The following C2CD3 variants were observed in gnomAD, a reference collection of about 807,000 sequenced individuals.
C2CD3 encodes the protein C2 domain containing 3 centriole elongation regulator.
Under a neutral mutation model 234.0 loss-of-function variants are expected in C2CD3, and 148 were observed. That is an observed-to-expected ratio of 0.63 (90% CI 0.55 to 0.72). C2CD3 has a LOEUF of 0.72. C2CD3 is among the 30% of genes least tolerant of loss of function. C2CD3 has a pLI of 0.00. For missense variants in C2CD3, 2,577 were observed against 2,811.5 expected (o/e 0.92, Z 1.89); for synonymous variants, 1,000 against 1,035.4 (o/e 0.97, Z 0.66).
chr11:74,050,527 T>C (rs1395918389), intron 26 of C2CD3, among the ~76,000 whole-genome samples: 1 of 152,250 alleles, frequency 6.6e-6, no homozygotes, highest in Non-Finnish European at 1.5e-5. Context: ...CTATTTTATA[T>C]AGGCTCCATT....
chr11:74,138,808 G>C lies in C2CD3; in HGVS notation c.867C>G (p.Phe289Leu). ...TGGCAACTGTTCTAATTTGAGGCTG[G>C]AATTCAGAACTGTTCAGAAGGGACA... ...KQMSLLNSSEFQPQIRTVAKS... is the reference protein window; with the variant it reads ...KQMSLLNSSELQPQIRTVAKS... The change falls in exon 5 of 33, where the codon TTC (phenylalanine) becomes TTG (leucine). Residue 289 changes from phenylalanine to leucine, a missense_variant. Physicochemically the swap from Phe to Leu is conservative, Grantham distance 22. Transcript: ENST00000334126. The C allele has an allele frequency of 6.2e-7, 1 of 1,613,550 alleles. No homozygotes were observed. The highest frequency in any genetic ancestry group is 8.5e-7 in the Non-Finnish European group (1 of 1,179,510).
chr11:74,100,536 G>C lies in C2CD3; in HGVS notation c.2721C>G (p.Tyr907Ter). Residue 907 changes from tyrosine (Y) to a stop codon, truncating the protein, a stop_gained, in exon 15 of 33, where the codon TAC becomes TAG. Coordinates refer to ENST00000334126, the MANE Select transcript of C2CD3 (RefSeq NM_001286577.2). LOFTEE classifies it high-confidence loss of function. ...GLVKLPLHQF[Y>*]MSFKDAKISR... ...AAGGTCCTATTTACTTGAATGACAT[G>C]TAAAACTGGTGGAGGGGAAGTTTCA... 1 of 1,610,974 alleles carries C rather than the reference G, an allele frequency of 6.2e-7. No homozygotes were observed. Among genetic ancestry groups the C allele is most frequent in the Non-Finnish European group, 8.5e-7 (1 of 1,179,134 alleles).
At chr11:74,083,929 C>T (rs968606379) in intron 22 of C2CD3, among the ~76,000 whole-genome samples, 4 of 152,274 alleles carry the variant, frequency 2.6e-5, no homozygotes, top group South Asian at 2.1e-4. Flanking sequence ...TTGACCCAGC[C>T]ATCCCATGAC....
Position 74,039,887 on chromosome 11 carries a change from A to C in C2CD3, c.5660+2167T>G, listed in dbSNP as rs77278331. ...TCCAAATAGGTTATGTGAATGACCC[A>C]AAAAAATACAACCAAATTATCAATG... On this transcript the variant is annotated intron_variant, in intron 29 of 32. Coordinates refer to ENST00000334126, the MANE Select transcript of C2CD3 (RefSeq NM_001286577.2). 2.0e-5 allele frequency among the ~76,000 whole-genome samples: 3 copies of C among 152,342 alleles called. No individual in the cohort carries two copies. In the East Asian group the frequency reaches 5.8e-4, roughly 29 times the overall value.
chr11:74,056,614 T>C (rs1350176854), intron 25 of C2CD3, among the ~76,000 whole-genome samples: 3 of 152,198 alleles, frequency 2.0e-5, no homozygotes, highest in Non-Finnish European at 4.4e-5. Flanking sequence ...GTCAGTAAAT[T>C]ACAGAGATGG....
intron 7 of C2CD3, among the ~76,000 whole-genome samples, chr11:74,125,679 C>T (rs1957390281): frequency 6.6e-6 from 1 of 152,050 alleles, no homozygotes; most frequent in Admixed American, 6.6e-5. Context: ...GAGCCAAGTA[C>T]AGTATAATTT....
chr11:74,097,886 G>A (rs1956168286), intron 16 of C2CD3, 123 bp downstream of exon 16: 1 of 900,164 alleles, frequency 1.1e-6, no homozygotes, highest in Admixed American at 2.6e-5. Context: ...AAGCACTGGA[G>A]TGCACATTAT....
Position 74,117,103 on chromosome 11 carries a change from TATATATATATGAATATATATATATGA to T in C2CD3, c.1520+1099_1520+1124del, listed in dbSNP as rs1957022004. ...ATATATATGAATATATATATATGAA[TATATATATATGAATATATATATATGA>T]ATATATATATATGAATATATATATA... On this transcript the variant is annotated intron_variant, in intron 9 of 32. Coordinates refer to ENST00000334126, the MANE Select transcript of C2CD3 (RefSeq NM_001286577.2). Among the ~76,000 whole-genome samples the T allele has an allele frequency of 1.6e-3, 11 of 6,926 alleles. 1 individual carries two copies. The highest frequency in any genetic ancestry group is 2.1e-3 in the African/African-American group (3 of 1,396). 4.5% of individuals were successfully genotyped at this position (6,926 alleles called of 152,430 possible). A position where few individuals can be genotyped will look rare whatever the true frequency, so the allele number is the denominator to read the frequency against.
At chr11:74,040,984 G>C (rs942942983) in intron 29 of C2CD3, among the ~76,000 whole-genome samples, 1 of 138,698 alleles carries the variant, frequency 7.2e-6, no homozygotes, top group African/African-American at 2.8e-5. Context: ...TTTTTTTTTG[G>C]TGCTATAACA....
At position 74,063,330 on chromosome 11, in the gene C2CD3, G is replaced by C. The variant is rs1438884582; in HGVS notation, c.4952-5786C>G. ...GCCTGGCAGAAACACAACAGAAAAA[G>C]AGAATTTTAGACCAATATCCCTGAT... On this transcript the variant is annotated intron_variant, in intron 24 of 32. Coordinates refer to ENST00000334126, the MANE Select transcript of C2CD3 (RefSeq NM_001286577.2). 3.9e-5 allele frequency among the ~76,000 whole-genome samples: 6 copies of C among 152,248 alleles called. No homozygotes were observed. In the East Asian group the frequency reaches 1.2e-3, roughly 29 times the overall value.
At chr11:74,159,924 CTGT>C (rs1240673444) in intron 3 of C2CD3, among the ~76,000 whole-genome samples, 1 of 152,090 alleles carries the variant, frequency 6.6e-6, no homozygotes, top group African/African-American at 2.4e-5. Flanking sequence ...ATCTTTTATA[CTGT>C]TATTTTATCT....
chr11:74,086,279 A>G (rs1337489059), intron 20 of C2CD3, among the ~76,000 whole-genome samples: 2 of 152,254 alleles, frequency 1.3e-5, no homozygotes, highest in Non-Finnish European at 2.9e-5. Context: ...GCTTATCAGC[A>G]TTGGACTTGT....
At chr11:74,157,293 A>G (rs933547249) in intron 3 of C2CD3, among the ~76,000 whole-genome samples, 1 of 152,200 alleles carries the variant, frequency 6.6e-6, no homozygotes, top group African/African-American at 2.4e-5. Context: ...GTATTTACTT[A>G]AGGTAAATTC....
At chr11:74,081,705 A>T (rs368612337) in intron 22 of C2CD3, among the ~76,000 whole-genome samples, 1 of 152,190 alleles carries the variant, frequency 6.6e-6, no homozygotes, top group South Asian at 2.1e-4. Flanking sequence ...TTGTTTTATT[A>T]TAAGAACTTC....
At chr11:74,141,001 G>GA (rs1416776760) in intron 3 of C2CD3, among the ~76,000 whole-genome samples, 5 of 152,138 alleles carry the variant, frequency 3.3e-5, no homozygotes, top group Non-Finnish European at 7.3e-5. Context: ...CCTTAAGGAA[G>GA]AAAGTGAAGG....
chr11:74,054,807 T>C, intron 25 of C2CD3, 136 bp from the exon 26 acceptor site: 1 of 565,398 alleles, frequency 1.8e-6, no homozygotes, highest in South Asian at 2.6e-5. Context: ...TCTTCTGGCA[T>C]ATATTTTTAT....
At chr11:74,081,213 A>C (rs1459548158) in intron 22 of C2CD3, among the ~76,000 whole-genome samples, 1 of 152,190 alleles carries the variant, frequency 6.6e-6, no homozygotes, top group African/African-American at 2.4e-5. Context: ...AACTGTATCC[A>C]TCCCACAAGA....
chr11:74,160,126 G>C (rs1856354439), intron 3 of C2CD3, among the ~76,000 whole-genome samples: 2 of 152,120 alleles, frequency 1.3e-5, no homozygotes, highest in Non-Finnish European at 2.9e-5. Context: ...CCTAAGCCTA[G>C]GTGTATAGTA....
At chr11:74,090,741 C>T (rs926813659) in intron 20 of C2CD3, 72 bp downstream of exon 20, 2 of 1,546,408 alleles carry the variant, frequency 1.3e-6, no homozygotes, top group East Asian at 2.3e-5. Context: ...GAAAGTTTTG[C>T]ATATCTGAGC....
Sources: allele counts gnomAD v4.1 joint callset (sites outside exome capture counted in the v4.1 genomes callset), GRCh38; gene constraint gnomAD v4.1.1; transcripts MANE v1.5; gene names NCBI Gene and HGNC (gene_info 2026-07-23, HGNC 2026-07-21).